Variants in TMEM255B observed in about 807,000 individuals in gnomAD.
TMEM255B encodes transmembrane protein 255B.
In TMEM255B, 35 loss-of-function variants were observed where a neutral mutation model predicts 34.5. The observed-to-expected ratio is 1.01, with a 90% CI of 0.77 to 1.34. TMEM255B has a LOEUF of 1.34. Ranked by LOEUF, TMEM255B falls within the 40% of genes most tolerant of loss-of-function variation. TMEM255B has a pLI of 0.00. For missense variants in TMEM255B, 432 were observed against 433.2 expected, an observed-to-expected ratio of 1.00 and a Z score of 0.02; for synonymous variants, 206 against 201.2, an observed-to-expected ratio of 1.02 and a Z score of -0.20.
At chr13:113,791,363 C>T (rs538719805) in intron 3 of TMEM255B, among the ~76,000 whole-genome samples, 1 of 152,330 alleles carries the variant, frequency 6.6e-6, no homozygotes, top group East Asian at 1.9e-4. Context: ...TGCCGGCCGC[C>T]GAGCCGGACA....
intron 3 of TMEM255B, among the ~76,000 whole-genome samples, chr13:113,778,797 T>C (rs947755053): frequency 4.6e-5 from 7 of 152,340 alleles, no homozygotes; most frequent in Admixed American, 2.6e-4. Context: ...TTTTTGTTGA[T>C]CTTTTTCTAG....
chr13:113,775,004 C>A (rs1432907232), intron 3 of TMEM255B, among the ~76,000 whole-genome samples: 1 of 144,484 alleles, frequency 6.9e-6, no homozygotes, highest in Non-Finnish European at 1.5e-5. Flanking sequence ...ACCACACACT[C>A]CACACAATAC....
In TMEM255B at chr13:113,811,741, C is replaced by T; in HGVS notation, c.819C>T (p.Cys273=). ...CSSYPLPLQP[C]SRFPVAPSSA... is the part of the protein sequence containing the mutation. ...GCCCTCTCTGTTTATTGCAGCCCTGCAGCCGCTTCCCAGTTGCGCCCTCCT... is the reference window on the plus strand; with the variant it reads ...GCCCTCTCTGTTTATTGCAGCCCTGTAGCCGCTTCCCAGTTGCGCCCTCCT... Residue 273 remains cysteine (C), a synonymous_variant, in exon 9 of 9, where the codon TGC becomes TGT. Coordinates refer to ENST00000375353, the MANE Select transcript of TMEM255B (RefSeq NM_182614.4). 4 of 1,613,654 alleles carry T rather than the reference C, an allele frequency of 2.5e-6. No homozygotes were observed. Among genetic ancestry groups the T allele is most frequent in the Non-Finnish European group, 2.5e-6 (3 of 1,179,802 alleles).
chr13:113,804,891 C>G lies in TMEM255B; in HGVS notation c.676C>G (p.Leu226Val). The G allele has an allele frequency of 6.3e-7, 1 of 1,599,402 alleles. No homozygotes were observed. Among genetic ancestry groups the G allele is most frequent in the Non-Finnish European group, 8.5e-7 (1 of 1,178,380 alleles). Residue 226 changes from leucine to valine, a missense_variant, in exon 8 of 9, where the codon CTG becomes GTG. Coordinates refer to ENST00000375353, the MANE Select transcript of TMEM255B (RefSeq NM_182614.4). ...CGTCTCCTCTCCATGGCAGGTGCCT[C>G]TGTCCCAGCTGGCCTATGGCCCAGC... ...VLGAFKDMVPLSQLAYGPAVP... is the reference protein window; with the variant it reads ...VLGAFKDMVPVSQLAYGPAVP...
chr13:113,803,963 C>T (rs543637957), intron 7 of TMEM255B, among the ~76,000 whole-genome samples: 19 of 16,892 alleles, frequency 1.1e-3, no homozygotes, highest in African/African-American at 4.5e-3. Context: ...GCCAGCCCCT[C>T]GCAGCGGCTC....
intron 8 of TMEM255B, among the ~76,000 whole-genome samples, chr13:113,805,344 C>T (rs9550247): frequency 6.6e-6 from 1 of 152,234 alleles, no homozygotes; most frequent in Non-Finnish European, 1.5e-5. Flanking sequence ...CGTTTGTCTG[C>T]TGGTGGACAT....
intron 8 of TMEM255B, among the ~76,000 whole-genome samples, chr13:113,807,939 C>T (rs142259962): frequency 2.6e-4 from 40 of 152,248 alleles, no homozygotes; most frequent in African/African-American, 8.4e-4. Flanking sequence ...TCTGGGTTTA[C>T]GCAAAGGGTG....
rs370918098 is a variant in TMEM255B at position 113,800,146 on chromosome 13, C to T, written c.424-681C>T. On this transcript the variant is annotated intron_variant, in intron 5 of 8. Transcript: ENST00000375353. Reference sequence around the variant, plus strand: ...CGTGTGTGTTTAGGGGGGAGGTGTCCTGTGTGTGTATGTGTATGTGTGTGT... The same window carrying T: ...CGTGTGTGTTTAGGGGGGAGGTGTCTTGTGTGTGTATGTGTATGTGTGTGT... 2.2e-4 allele frequency: 199 copies of T among 897,144 alleles called. 1 individual carries two copies. In the East Asian group the frequency reaches 8.1e-3, roughly 37 times the overall value. 55.6% of individuals were successfully genotyped at this position (897,144 alleles called of 1,614,324 possible).
chr13:113,795,587 A>T (rs897569278), intron 4 of TMEM255B, among the ~76,000 whole-genome samples: 5 of 148,602 alleles, frequency 3.4e-5, no homozygotes, highest in Non-Finnish European at 7.4e-5. Context: ...CACACAGCAC[A>T]CACACCACAA....
chr13:113,795,389 T>C (rs28653123), intron 4 of TMEM255B, 152 bp downstream of exon 4: 492,110 of 714,628 alleles, frequency 0.69, 172,945 homozygotes, highest in East Asian at 0.85. Flanking sequence ...CTCCTCTCAG[T>C]AAGTCTCATT....
chr13:113,805,671 G>T (rs9577883), intron 8 of TMEM255B, among the ~76,000 whole-genome samples: 12,259 of 152,290 alleles, frequency 0.08, 567 homozygotes, highest in Admixed American at 0.14. Flanking sequence ...GCTGTGCTGG[G>T]GCACCCTAGG....
In TMEM255B at chr13:113,812,803, CAGGT is replaced by C. The variant is rs1404160067; in HGVS notation, c.*901_*904del. The C allele has an allele frequency of 2.6e-5, 4 of 156,626 alleles. No individual in the cohort carries two copies. The highest frequency in any genetic ancestry group is 5.4e-5 in the Non-Finnish European group (4 of 73,764). 9.7% of individuals were successfully genotyped at this position (156,626 alleles called of 1,614,324 possible). A position where few individuals can be genotyped will look rare whatever the true frequency, so the allele number is the denominator to read the frequency against. On this transcript the variant is annotated 3_prime_UTR_variant, in exon 9 of 9. Transcript: ENST00000375353. ...CCCGGGTGGGTCACAGGACAGGTCT[CAGGT>C]GGGTCACAGGTCCTGAGTGGGTCAC...
rs118069452 is a variant in TMEM255B at position 113,770,420 on chromosome 13, G to T, written c.252+1260G>T. Among the ~76,000 whole-genome samples, 1 of 152,096 alleles carries T rather than the reference G, an allele frequency of 6.6e-6. No individual in the cohort carries two copies. The highest frequency in any genetic ancestry group is 1.9e-4 in the East Asian group (1 of 5,174). On this transcript the variant is annotated intron_variant, in intron 3 of 8. Coordinates refer to ENST00000375353, the MANE Select transcript of TMEM255B (RefSeq NM_182614.4). This position sits in a 1 kb window ranked among gnomAD's most constrained non-coding sequence, Gnocchi z 4.6. ...GGACACAGCCAAACCATATCACCCC[G>T]CATGGGACCCAGCAAACTCCCACTG...
intron 5 of TMEM255B, chr13:113,799,881 G>T: frequency 9.3e-7 from 1 of 1,075,266 alleles, no homozygotes; most frequent in Middle Eastern, 2.3e-4. Context: ...ACCGTCGGAG[G>T]GCACAGCTCT....
chr13:113,809,182 A>C (rs888242973), intron 8 of TMEM255B, among the ~76,000 whole-genome samples: 5 of 100,876 alleles, frequency 5.0e-5, no homozygotes, highest in African/African-American at 2.0e-4. Context: ...TGGTTCCTGG[A>C]TGTTTACTCC....
rs115154882 is a variant in TMEM255B at position 113,797,804 on chromosome 13, C to T, written c.343-1535C>T. Among the ~76,000 whole-genome samples, 1,431 of 152,318 alleles carry T rather than the reference C, an allele frequency of 9.4e-3. 32 individuals carry two copies. The highest frequency in any genetic ancestry group is 0.032 in the African/African-American group (1,338 of 41,550). ...AAATACTAATAAAACTAAACGTGGG[C>T]AATGTGACCCTAGCTTATTTGCAGG... is the stretch of plus-strand genomic sequence containing the variant. On this transcript the variant is annotated intron_variant, in intron 4 of 8. Coordinates refer to ENST00000375353, the MANE Select transcript of TMEM255B (RefSeq NM_182614.4).
rs889111982 is a variant in TMEM255B at position 113,801,728 on chromosome 13, G to A, written c.585G>A (p.Leu195=). 5.0e-6 allele frequency: 8 copies of A among 1,613,188 alleles called. No homozygotes were observed. The highest frequency in any genetic ancestry group is 3.3e-4 in the Middle Eastern group (2 of 6,058). ...AGGACGTGCTGCACCTGTACCGCCT[G>A]CTCTGGGCCTCTGCAGTTCTGAACG... ...GCQDVLHLYR[L]LWASAVLNVL... is the part of the protein sequence containing the mutation. The change falls in exon 7 of 9, where the codon CTG becomes CTA. Residue 195 remains leucine (L), a synonymous_variant. Coordinates refer to ENST00000375353, the MANE Select transcript of TMEM255B (RefSeq NM_182614.4).
At chr13:113,799,875 T>A (rs1226336231) in intron 5 of TMEM255B, 1 of 1,022,958 alleles carries the variant, frequency 9.8e-7, no homozygotes, top group Non-Finnish European at 1.4e-6. Flanking sequence ...GCCAGGACCG[T>A]CGGAGGGCAC....
intron 3 of TMEM255B, among the ~76,000 whole-genome samples, chr13:113,789,179 A>G (rs1186955687): frequency 7.0e-6 from 1 of 142,418 alleles, no homozygotes; most frequent in Non-Finnish European, 1.5e-5. Context: ...TTTTTTTTGT[A>G]AATCTACTTT....
Sources: allele counts gnomAD v4.1 joint callset (sites outside exome capture counted in the v4.1 genomes callset), GRCh38; gene constraint gnomAD v4.1.1; non-coding constraint Gnocchi (gnomAD v3.1); transcripts MANE v1.5; gene names NCBI Gene and HGNC (gene_info 2026-07-23, HGNC 2026-07-21).